GRIP1: variants seen among roughly 807,000 people sequenced by gnomAD.
GRIP1 encodes glutamate receptor interacting protein 1, also known as glutamate receptor-interacting protein 1.
Under a neutral mutation model 129.9 loss-of-function variants are expected in GRIP1, and 45 were observed. The observed-to-expected ratio is 0.35, with a 90% CI of 0.27 to 0.44. The LOEUF (loss-of-function observed/expected upper bound fraction) is 0.44, where lower values mean the gene tolerates loss of function less well. GRIP1 is among the 20% of genes least tolerant of loss of function. The pLI is 1.00. For missense variants in GRIP1, 1,196 were observed against 1,396.8 expected (o/e 0.86, Z 2.29); for synonymous variants, 530 against 520.8 (o/e 1.02, Z -0.24).
intron 1 of GRIP1, among the ~76,000 whole-genome samples, chr12:66,773,080 A>C (rs2037870980): frequency 6.6e-6 from 1 of 152,194 alleles, no homozygotes; most frequent in African/African-American, 2.4e-5. Flanking sequence ...GTAGGGGTCC[A>C]CACAATGGAA....
chr12:66,693,575 A>AT (rs551924769), intron 1 of GRIP1, among the ~76,000 whole-genome samples: 220 of 152,124 alleles, frequency 1.4e-3, no homozygotes, highest in African/African-American at 5.1e-3. Context: ...CTCAGACAGA[A>AT]TTTTTTTAAA....
At chr12:66,621,227 C>T (rs904385505) in intron 1 of GRIP1, among the ~76,000 whole-genome samples, 1 of 152,032 alleles carries the variant, frequency 6.6e-6, no homozygotes, top group Admixed American at 6.6e-5. Flanking sequence ...TTTATCATCC[C>T]AAACTGAAAC....
At chr12:66,482,698 A>G (rs771963077) in intron 7 of GRIP1, among the ~76,000 whole-genome samples, 1 of 152,246 alleles carries the variant, frequency 6.6e-6, no homozygotes, top group Non-Finnish European at 1.5e-5. Context: ...TAAGATGCAT[A>G]GGAAAATAAA....
At chr12:66,444,860 C>CATCAA in intron 12 of GRIP1, 131 bp from the exon 13 acceptor site, 1 of 873,710 alleles carries the variant, frequency 1.1e-6, no homozygotes, top group Admixed American at 1.9e-5. Flanking sequence ...ATGCTGTGGG[C>CATCAA]ATCATATAGG....
At chr12:66,650,977 TG>T (rs2032754130) in intron 1 of GRIP1, among the ~76,000 whole-genome samples, 1 of 152,352 alleles carries the variant, frequency 6.6e-6, no homozygotes, top group Non-Finnish European at 1.5e-5. Context: ...ATAGCACTGC[TG>T]TAAGGACTAA....
intron 16 of GRIP1, among the ~76,000 whole-genome samples, chr12:66,401,358 A>G (rs1347825161): frequency 2.0e-5 from 3 of 151,644 alleles, no homozygotes; most frequent in East Asian, 1.9e-4. Context: ...CAGGCAGCTC[A>G]CCTGAGGTCA....
chr12:66,456,822 T>C (rs2058980207), intron 9 of GRIP1, among the ~76,000 whole-genome samples: 2 of 152,146 alleles, frequency 1.3e-5, no homozygotes, highest in Admixed American at 1.3e-4. Context: ...TAGTCACACA[T>C]CAGAATTTAC....
rs1169241331 is a variant in GRIP1, at chr12:66,401,609, T to TATATATATATACACACAC, written c.1984+4673_1984+4674insGTGTGTGTATATATATAT. The stretch of plus-strand genomic sequence containing the variant: ...AAAAAAATATGTGTGTATATATATA[T>TATATATATATACACACAC]ACACACACACACACACACACACACA... On this transcript the variant is annotated intron_variant, in intron 16 of 24. Transcript: ENST00000359742. Among the ~76,000 whole-genome samples the TATATATATATACACACAC allele has an allele frequency of 2.4e-3, 264 of 110,154 alleles. 2 individuals are homozygous for TATATATATATACACACAC. The highest frequency in any genetic ancestry group is 5.6e-3 in the Admixed American group (58 of 10,446). 72.3% of individuals were successfully genotyped at this position (110,154 alleles called of 152,430 possible).
At chr12:66,731,307 C>T (rs895933971) in intron 1 of GRIP1, among the ~76,000 whole-genome samples, 2 of 152,156 alleles carry the variant, frequency 1.3e-5, no homozygotes, top group African/African-American at 4.8e-5. Flanking sequence ...GGTATTATAA[C>T]ACATTGGGCT....
At chr12:66,569,551 G>A (rs2062884659) in intron 2 of GRIP1, among the ~76,000 whole-genome samples, 1 of 152,172 alleles carries the variant, frequency 6.6e-6, no homozygotes, top group African/African-American at 2.4e-5. Flanking sequence ...ATCTCTGGAG[G>A]TGACAAGGAA....
intron 1 of GRIP1, among the ~76,000 whole-genome samples, chr12:66,689,436 G>A (rs986305311): frequency 2.0e-5 from 3 of 152,172 alleles, no homozygotes; most frequent in Non-Finnish European, 4.4e-5. Flanking sequence ...AACATGGCTA[G>A]CACTCACTTA....
At chr12:66,759,133 G>A (rs376844186) in intron 1 of GRIP1, among the ~76,000 whole-genome samples, 12 of 152,330 alleles carry the variant, frequency 7.9e-5, no homozygotes, top group East Asian at 5.8e-4. Context: ...CTTTTGCCTG[G>A]GCATCCAGGA....
At chr12:66,390,395 G>C (rs1220549278) in intron 19 of GRIP1, among the ~76,000 whole-genome samples, 3 of 152,158 alleles carry the variant, frequency 2.0e-5, no homozygotes, top group Non-Finnish European at 4.4e-5. Flanking sequence ...TATCCTGATT[G>C]CCATTGTCTC....
In GRIP1 at chr12:66,780,629, C is replaced by T. The variant is rs117802910; in HGVS notation, c.-420+23424G>A. Among the ~76,000 whole-genome samples, 414 of 152,324 alleles carry T rather than the reference C, an allele frequency of 2.7e-3. 3 individuals carry two copies. The highest frequency in any genetic ancestry group is 0.014 in the Middle Eastern group (4 of 294). The stretch of plus-strand genomic sequence containing the variant: ...CACAATGTCTCCCATGTACTGTTTA[C>T]AGTGTCACCTTGACACCTTTCCCAT... On this transcript the variant is annotated intron_variant, in intron 1 of 4. Coordinates refer to the GRIP1 transcript ENST00000538373.
intron 1 of GRIP1, among the ~76,000 whole-genome samples, chr12:66,874,132 G>C (rs1371815335): frequency 1.3e-5 from 2 of 152,110 alleles, no homozygotes; most frequent in African/African-American, 4.8e-5. Context: ...ATTACTGTGT[G>C]ATTGCAAAAG....
At chr12:66,395,669 C>T (rs2056760103) in intron 16 of GRIP1, among the ~76,000 whole-genome samples, 2 of 152,196 alleles carry the variant, frequency 1.3e-5, no homozygotes, top group African/African-American at 2.4e-5. Flanking sequence ...GAGTGCTCTA[C>T]TCAACGTATT....
intron 4 of GRIP1, among the ~76,000 whole-genome samples, chr12:66,533,411 T>C (rs1203852722): frequency 6.6e-6 from 1 of 151,848 alleles, no homozygotes; most frequent in African/African-American, 2.4e-5. Flanking sequence ...TTTAGGAGGC[T>C]GAGGCAGGTG....
chr12:66,461,442 C>A (rs541357650), intron 9 of GRIP1, among the ~76,000 whole-genome samples: 5 of 152,290 alleles, frequency 3.3e-5, no homozygotes, highest in South Asian at 2.1e-4. Context: ...TCCTCTCTGC[C>A]AGAGTGCAGG....
intron 23 of GRIP1, among the ~76,000 whole-genome samples, chr12:66,362,289 G>A (rs2054823158): frequency 6.6e-6 from 1 of 151,542 alleles, no homozygotes; most frequent in South Asian, 2.1e-4. Context: ...GAGTAGCTGG[G>A]ATTACGGGCC....
Sources: allele counts gnomAD v4.1 joint callset (sites outside exome capture counted in the v4.1 genomes callset), GRCh38; gene constraint gnomAD v4.1.1; transcripts MANE v1.5; gene names NCBI Gene and HGNC (gene_info 2026-07-23, HGNC 2026-07-21).